The following BMERB1 variants were observed in gnomAD, a reference collection of about 807,000 sequenced individuals.
The protein encoded by BMERB1 is bMERB domain containing 1.
Under a neutral mutation model 23.6 loss-of-function variants are expected in BMERB1, and 12 were observed. That is an observed-to-expected ratio of 0.51 (90% confidence interval 0.33 to 0.82). The LOEUF (loss-of-function observed/expected upper bound fraction) is 0.82, where lower values mean the gene tolerates loss of function less well. BMERB1 is among the 40% of genes least tolerant of loss of function. The pLI is 0.03. For missense variants in BMERB1, 247 were observed against 255.4 expected, an observed-to-expected ratio of 0.97 and a Z score of 0.22; for synonymous variants, 122 against 96.6, an observed-to-expected ratio of 1.26 and a Z score of -1.54.
intron 3 of BMERB1, among the ~76,000 whole-genome samples, chr16:15,580,535 G>T (rs1039432690): frequency 6.6e-6 from 1 of 150,774 alleles, no homozygotes; most frequent in African/African-American, 2.4e-5. Flanking sequence ...AATCCTGGCC[G>T]CTCAGCTCAA....
chr16:15,539,401 G>T (rs929182063), intron 2 of BMERB1, among the ~76,000 whole-genome samples: 1 of 152,178 alleles, frequency 6.6e-6, no homozygotes, highest in Non-Finnish European at 1.5e-5. Flanking sequence ...CTGCTGTGCG[G>T]CCTGGCTCCT....
chr16:15,509,276 CCTCACCA>C (rs2051629522), intron 1 of BMERB1, among the ~76,000 whole-genome samples: 1 of 143,242 alleles, frequency 7.0e-6, no homozygotes, highest in South Asian at 2.2e-4. Context: ...TGCATTCAGC[CCTCACCA>C]GGAGGCTGGA....
At chr16:15,463,270 T>TATA (rs2051152108) in intron 1 of BMERB1, among the ~76,000 whole-genome samples, 1 of 151,448 alleles carries the variant, frequency 6.6e-6, no homozygotes, top group African/African-American at 2.4e-5. Context: ...TATATATATA[T>TATA]TTTGTAGAGG....
chr16:15,533,559 G>C (rs2051991126), intron 2 of BMERB1, among the ~76,000 whole-genome samples: 1 of 151,986 alleles, frequency 6.6e-6, no homozygotes, highest in Non-Finnish European at 1.5e-5. Context: ...GTGTAGGGGG[G>C]CTTGAGCCTC....
chr16:15,583,225 C>G lies in BMERB1; in HGVS notation c.489C>G (p.Thr163=), dbSNP rs2031059773. 1.2e-6 allele frequency: 2 copies of G among 1,609,498 alleles called. No homozygotes were observed. The highest frequency in any genetic ancestry group is 1.3e-5 in the African/African-American group (1 of 74,742). The change falls in exon 5 of 6, where the codon ACC becomes ACG. Residue 163 remains threonine (T), a synonymous_variant. Transcript: ENST00000300006. The part of the protein sequence containing the change: ...RIKLKPLDKV[T]KSPASSRAEK... ...AGTTAAAACCTCTAGACAAAGTAAC[C>G]AAATCTCCAGCCAGTGAGTATATAC...
intron 1 of BMERB1, among the ~76,000 whole-genome samples, chr16:15,497,509 A>C (rs2150941748): frequency 6.6e-6 from 1 of 152,328 alleles, no homozygotes; most frequent in South Asian, 2.1e-4. Flanking sequence ...AAGAAAGAAA[A>C]AAACTGTCTA....
intron 1 of BMERB1, among the ~76,000 whole-genome samples, chr16:15,462,901 C>T (rs1171248811): frequency 2.0e-5 from 3 of 152,204 alleles, no homozygotes; most frequent in South Asian, 2.1e-4. Context: ...GGAAGTCCAA[C>T]GCCACCAGCA....
chr16:15,555,589 G>A (rs1000189440), intron 2 of BMERB1, among the ~76,000 whole-genome samples: 4 of 152,198 alleles, frequency 2.6e-5, no homozygotes, highest in Non-Finnish European at 4.4e-5. Flanking sequence ...GGAAAGGCCA[G>A]TGTGACAGGT....
At chr16:15,444,411 T>A (rs2050972754) in intron 1 of BMERB1, among the ~76,000 whole-genome samples, 1 of 151,984 alleles carries the variant, frequency 6.6e-6, no homozygotes, top group Non-Finnish European at 1.5e-5. Flanking sequence ...TGTGGTCCAT[T>A]TCTTCCTCTG....
At chr16:15,453,687 C>T (rs567899905) in intron 1 of BMERB1, among the ~76,000 whole-genome samples, 3 of 152,198 alleles carry the variant, frequency 2.0e-5, no homozygotes, top group Admixed American at 6.5e-5. Flanking sequence ...GCCTGGCCAA[C>T]GTGGTGAAAC....
intron 1 of BMERB1, among the ~76,000 whole-genome samples, chr16:15,444,793 A>G (rs2050975332): frequency 6.6e-6 from 1 of 152,126 alleles, no homozygotes; most frequent in Non-Finnish European, 1.5e-5. Context: ...CTGGCTCTGG[A>G]CTTTGAATGA....
chr16:15,446,143 C>T (rs2050987199), intron 1 of BMERB1, among the ~76,000 whole-genome samples: 1 of 152,116 alleles, frequency 6.6e-6, no homozygotes, highest in Non-Finnish European at 1.5e-5. Flanking sequence ...CTTGTGATCC[C>T]AGCTACTTGG....
At chr16:15,447,748 G>A (rs1490400824) in intron 1 of BMERB1, among the ~76,000 whole-genome samples, 2 of 152,148 alleles carry the variant, frequency 1.3e-5, no homozygotes, top group African/African-American at 2.4e-5. Context: ...TTCTGGAGGC[G>A]TGCATGAGCT....
intron 1 of BMERB1, among the ~76,000 whole-genome samples, chr16:15,437,308 T>G (rs1223271451): frequency 2.6e-5 from 4 of 152,224 alleles, no homozygotes; most frequent in Non-Finnish European, 5.9e-5. Context: ...TATGTGACTT[T>G]AGGAGTATTG....
At chr16:15,562,944 T>C (rs566148325) in intron 2 of BMERB1, among the ~76,000 whole-genome samples, 1 of 152,360 alleles carries the variant, frequency 6.6e-6, no homozygotes, top group East Asian at 1.9e-4. Context: ...TTCCTGCCTC[T>C]TGTCCTGAAA....
chr16:15,531,394 CAAA>C (rs1307070479), intron 2 of BMERB1, among the ~76,000 whole-genome samples: 1 of 152,100 alleles, frequency 6.6e-6, no homozygotes, highest in African/African-American at 2.4e-5. Flanking sequence ...ATGCCTGGCC[CAAA>C]ATCCCTTTTG....
At chr16:15,542,279 G>A (rs1021211149) in intron 2 of BMERB1, among the ~76,000 whole-genome samples, 1 of 151,034 alleles carries the variant, frequency 6.6e-6, no homozygotes, top group Non-Finnish European at 1.5e-5. Context: ...TGGCCAGGCT[G>A]GTCTCGAACT....
rs758088450 is a variant in BMERB1, at chr16:15,587,432, C to T, written c.*603C>T. 1 of 309,700 alleles carries T rather than the reference C, an allele frequency of 3.2e-6. No homozygotes were observed. The highest frequency in any genetic ancestry group is 6.8e-6 in the Non-Finnish European group (1 of 146,788). 19.2% of individuals were successfully genotyped at this position (309,700 alleles called of 1,614,324 possible). ...GTGTGTGGTGTCGTGGTCACATCTCCCGCTTCCCCCCATCCTGTGTCTGGG... is the reference window on the plus strand; with the variant it reads ...GTGTGTGGTGTCGTGGTCACATCTCTCGCTTCCCCCCATCCTGTGTCTGGG... On this transcript the variant is annotated 3_prime_UTR_variant, in exon 6 of 6. Transcript: ENST00000300006.
chr16:15,497,650 G>A (rs1351319235), intron 1 of BMERB1, among the ~76,000 whole-genome samples: 2 of 152,136 alleles, frequency 1.3e-5, no homozygotes, highest in African/African-American at 4.8e-5. Context: ...GACACAGATT[G>A]GCATTTTTTT....
Sources: allele counts gnomAD v4.1 joint callset (sites outside exome capture counted in the v4.1 genomes callset), GRCh38; gene constraint gnomAD v4.1.1; transcripts MANE v1.5; gene names NCBI Gene and HGNC (gene_info 2026-07-23, HGNC 2026-07-21).